The following PPARGC1A variants were observed in gnomAD, a reference collection of about 807,000 sequenced individuals.
The protein encoded by PPARGC1A is PPARG coactivator 1 alpha.
Under a neutral mutation model 88.7 loss-of-function variants are expected in PPARGC1A, and 25 were observed. The observed-to-expected ratio is 0.28, with a 90% CI of 0.21 to 0.39. The LOEUF (loss-of-function observed/expected upper bound fraction) is 0.39, where lower values mean the gene tolerates loss of function less well. PPARGC1A is among the 10% of genes least tolerant of loss of function. The pLI is 1.00. For synonymous variants in PPARGC1A, 363 were observed against 355.6 expected, an observed-to-expected ratio of 1.02 and a Z score of -0.24; for missense variants, 880 against 968.7, an observed-to-expected ratio of 0.91 and a Z score of 1.22.
the PPARGC1A span, among the ~76,000 whole-genome samples, chr4:24,175,343 C>T: frequency 1.4e-5 from 2 of 142,624 alleles, no homozygotes; most frequent in Non-Finnish European, 3.0e-5. Flanking sequence ...TGATTTCTGG[C>T]GGGTTTTTGT....
At chr4:23,990,482 T>C in the PPARGC1A span, among the ~76,000 whole-genome samples, 6 of 152,052 alleles carry the variant, frequency 3.9e-5, no homozygotes, top group Non-Finnish European at 7.4e-5. Context: ...ACTGGAATAC[T>C]ACATTATCCA....
the PPARGC1A span, among the ~76,000 whole-genome samples, chr4:24,455,208 C>A: frequency 6.6e-6 from 1 of 152,220 alleles, no homozygotes; most frequent in African/African-American, 2.4e-5. Flanking sequence ...GGGGCCGGGG[C>A]AGTGGCTCAA....
chr4:24,365,900 G>A, the PPARGC1A span, among the ~76,000 whole-genome samples: 1 of 152,098 alleles, frequency 6.6e-6, no homozygotes, highest in Non-Finnish European at 1.5e-5. Flanking sequence ...ATACTTGACA[G>A]CTTCAAAATT....
chr4:24,216,230 C>T, the PPARGC1A span, among the ~76,000 whole-genome samples: 1 of 149,928 alleles, frequency 6.7e-6, no homozygotes, highest in Non-Finnish European at 1.5e-5. Flanking sequence ...TCACTGCAAC[C>T]TTCACCTCCT....
At chr4:23,834,213 T>A (rs888557632) in intron 2 of PPARGC1A, among the ~76,000 whole-genome samples, 1 of 152,034 alleles carries the variant, frequency 6.6e-6, no homozygotes, top group African/African-American at 2.4e-5. Flanking sequence ...GGCAGGAGAA[T>A]GGTGTGAACC....
At chr4:24,167,848 G>A in the PPARGC1A span, among the ~76,000 whole-genome samples, 5 of 152,088 alleles carry the variant, frequency 3.3e-5, no homozygotes, top group Non-Finnish European at 7.4e-5. Context: ...CCACCCCCTG[G>A]GCTCAAGTGA....
the PPARGC1A span, among the ~76,000 whole-genome samples, chr4:24,056,654 T>C: frequency 1.3e-5 from 2 of 152,226 alleles, no homozygotes; most frequent in Non-Finnish European, 2.9e-5. Context: ...AATGATTTAT[T>C]TGACATCTCC....
chr4:24,401,946 C>T, the PPARGC1A span, among the ~76,000 whole-genome samples: 2 of 152,298 alleles, frequency 1.3e-5, no homozygotes, highest in South Asian at 2.1e-4. Flanking sequence ...AAAAGCAGTG[C>T]TGGGACTCAA....
At chr4:23,796,438 C>T (rs1005094683) in intron 12 of PPARGC1A, among the ~76,000 whole-genome samples, 12 of 152,136 alleles carry the variant, frequency 7.9e-5, no homozygotes, top group African/African-American at 2.9e-4. Flanking sequence ...TACCTCTTGG[C>T]CTCCCAGAAT....
the PPARGC1A span, among the ~76,000 whole-genome samples, chr4:24,204,678 C>T: frequency 6.6e-6 from 1 of 152,124 alleles, no homozygotes; most frequent in African/African-American, 2.4e-5. Flanking sequence ...TCCTTTGCGA[C>T]TCAGTAACAT....
the PPARGC1A span, among the ~76,000 whole-genome samples, chr4:24,052,573 G>A: frequency 2.0e-5 from 3 of 151,068 alleles, no homozygotes; most frequent in Middle Eastern, 3.5e-3. Flanking sequence ...GGAGGCAGAG[G>A]TTGCAGTGAG....
the PPARGC1A span, among the ~76,000 whole-genome samples, chr4:24,242,382 A>G: frequency 3.3e-5 from 5 of 152,120 alleles, no homozygotes; most frequent in Non-Finnish European, 7.4e-5. Context: ...TGTGTTCTGG[A>G]ATATTCCTAT....
chr4:23,886,863 A>AC (rs1351191867), intron 1 of PPARGC1A, among the ~76,000 whole-genome samples: 1 of 151,444 alleles, frequency 6.6e-6, no homozygotes, highest in East Asian at 2.0e-4. Context: ...CTTTAAAAAA[A>AC]AAAAAAAAAA....
chr4:24,086,257 C>T, the PPARGC1A span, among the ~76,000 whole-genome samples: 1 of 152,180 alleles, frequency 6.6e-6, no homozygotes, highest in Non-Finnish European at 1.5e-5. Flanking sequence ...CTGATACCCA[C>T]TTATATCTAC....
the PPARGC1A span, among the ~76,000 whole-genome samples, chr4:24,371,825 C>A: frequency 6.6e-6 from 1 of 151,432 alleles, no homozygotes; most frequent in Non-Finnish European, 1.5e-5. Flanking sequence ...GTGGTGCGTG[C>A]CTGTAGTCTC....
the PPARGC1A span, among the ~76,000 whole-genome samples, chr4:24,074,674 C>T: frequency 6.6e-6 from 1 of 152,070 alleles, no homozygotes; most frequent in Non-Finnish European, 1.5e-5. Flanking sequence ...CTAGAATTCT[C>T]TGAAATGTTA....
chr4:24,270,866 T>A, the PPARGC1A span, among the ~76,000 whole-genome samples: 1 of 152,174 alleles, frequency 6.6e-6, no homozygotes, highest in Non-Finnish European at 1.5e-5. Context: ...CAAATAACCT[T>A]TGGATTATCT....
At chr4:23,832,180 C>T (rs918960849) in intron 2 of PPARGC1A, among the ~76,000 whole-genome samples, 1 of 152,176 alleles carries the variant, frequency 6.6e-6, no homozygotes, top group African/African-American at 2.4e-5. Flanking sequence ...ACCCCCCAAA[C>T]TGTCTAGACA....
chr4:24,375,005 C>T, the PPARGC1A span, among the ~76,000 whole-genome samples: 1 of 140,700 alleles, frequency 7.1e-6, no homozygotes, highest in African/African-American at 2.7e-5. Flanking sequence ...TCCACCAACC[C>T]CCCACCCTAA....
Sources: gnomAD v4.1 joint callset for allele counts (sites outside exome capture counted in the v4.1 genomes callset) on GRCh38, gnomAD v4.1.1 for gene constraint, MANE v1.5 for transcripts, NCBI Gene and HGNC (gene_info 2026-07-23, HGNC 2026-07-21) for gene names.